The following FAT1 variants were observed in gnomAD, a reference collection of about 807,000 sequenced individuals.
FAT1 encodes the protein FAT atypical cadherin 1.
Under a neutral mutation model 329.8 loss-of-function variants are expected in FAT1, and 171 were observed. That is an observed-to-expected ratio of 0.52 (90% CI 0.46 to 0.59). The LOEUF (loss-of-function observed/expected upper bound fraction) is 0.59. FAT1 is among the 20% of genes least tolerant of loss of function. The probability of loss-of-function intolerance (pLI) is 0.00; values close to 1 mark genes in which losing one functional copy is unlikely to be tolerated. For missense variants in FAT1, 5,672 were observed against 5,774.4 expected (o/e 0.98, Z 0.57); for synonymous variants, 2,233 against 2,228.6 (o/e 1.00, Z -0.06).
chr4:186,655,432 A>G (rs938235703), intron 3 of FAT1, among the ~76,000 whole-genome samples: 1 of 116,722 alleles, frequency 8.6e-6, no homozygotes. Flanking sequence ...AGTAACCACA[A>G]TAAGGTGATT....
intron 11 of FAT1, among the ~76,000 whole-genome samples, chr4:186,616,280 C>A (rs1739705749): frequency 1.3e-5 from 2 of 152,192 alleles, no homozygotes; most frequent in Admixed American, 6.5e-5. Flanking sequence ...CTTGGAACGA[C>A]CGCCACTGCC....
intron 1 of FAT1, among the ~76,000 whole-genome samples, chr4:186,717,269 G>A (rs1561018355): frequency 6.6e-6 from 1 of 152,130 alleles, no homozygotes; most frequent in Admixed American, 6.5e-5. Context: ...TTTTCTGGGT[G>A]TACACTAATT....
chr4:186,589,522 C>T (rs1738140214), intron 26 of FAT1, among the ~76,000 whole-genome samples: 2 of 152,260 alleles, frequency 1.3e-5, no homozygotes, highest in South Asian at 4.2e-4. Context: ...AAATTATATA[C>T]ATTTTTCTAC....
intron 11 of FAT1, among the ~76,000 whole-genome samples, chr4:186,615,113 G>A (rs1437490077): frequency 6.6e-6 from 1 of 151,986 alleles, no homozygotes; most frequent in African/African-American, 2.4e-5. Flanking sequence ...TTCATAATAG[G>A]ATGAATTTAA....
rs1273408912 is a variant in FAT1, at chr4:186,618,073, G to A, written c.8513C>T (p.Ser2838Leu). 6.2e-7 allele frequency: 1 copy of A among 1,613,896 alleles called. No homozygotes were observed. Among genetic ancestry groups the A allele is most frequent in the Non-Finnish European group, 8.5e-7 (1 of 1,179,894 alleles). The change falls in exon 10 of 27, where the codon TCA (serine) becomes TTA (leucine). Residue 2838 changes from serine to leucine, a missense_variant. By Grantham distance (145) the Ser-to-Leu change is moderately radical (BLOSUM62 -2). Coordinates refer to ENST00000441802, the MANE Select transcript of FAT1 (RefSeq NM_005245.4). The stretch of plus-strand genomic sequence containing the variant: ...ATACATAACTTGGCCGTTGGTTCCT[G>A]AGTCAGCATCAGATGCCCTGATCTG... ...VIQIRASDADSGTNGQVMYSL... is the reference protein window; with the variant it reads ...VIQIRASDADLGTNGQVMYSL...
Position 186,611,595 on chromosome 4 carries a change from G to A in FAT1, c.9644C>T (p.Thr3215Ile), listed in dbSNP as rs756315351. The A allele has an allele frequency of 2.5e-6, 4 of 1,613,802 alleles. No individual in the cohort carries two copies. Among genetic ancestry groups the A allele is most frequent in the East Asian group, 2.2e-5 (1 of 44,862 alleles). Residue 3215 changes from threonine to isoleucine, a missense_variant, in exon 14 of 27, where the codon ACT (threonine) becomes ATT (isoleucine). Physicochemically the swap from Thr to Ile is moderately conservative, Grantham distance 89. Transcript: ENST00000441802. ...TATGTCAAGAACTGATACAATCACA[G>A]TGCCAGTGGCAGTCAGCCTCCTTGG... ...GLPRRLTATG[T>I]VIVSVLDIND... is the part of the protein sequence containing the mutation.
intron 26 of FAT1, chr4:186,590,332 G>C: frequency 7.9e-7 from 1 of 1,266,812 alleles, no homozygotes; most frequent in South Asian, 1.2e-5. Flanking sequence ...ATTGTTTTTA[G>C]TGAGTATCAA....
At chr4:186,670,502 C>A (rs888164757) in intron 2 of FAT1, among the ~76,000 whole-genome samples, 2 of 152,128 alleles carry the variant, frequency 1.3e-5, no homozygotes, top group African/African-American at 4.8e-5. Context: ...AAAGAAGAGA[C>A]ATACCATCAA....
chr4:186,619,434 A>G lies in FAT1; in HGVS notation c.7152T>C (p.Asn2384=), dbSNP rs2126505528. The part of the protein sequence containing the change: ...VIVTVDVTDL[N]DNPPLFEQQI... ...GTTGTTCAAAGAGTGGTGGATTATC[A>G]TTGAGGTCGGTAACGTCCACCGTGA... Residue 2384 remains asparagine, a synonymous_variant, in exon 10 of 27, where the codon AAT becomes AAC. Coordinates refer to ENST00000441802, the MANE Select transcript of FAT1 (RefSeq NM_005245.4). 6.2e-7 allele frequency: 1 copy of G among 1,614,002 alleles called. No homozygotes were observed. Among genetic ancestry groups the G allele is most frequent in the Non-Finnish European group, 8.5e-7 (1 of 1,179,894 alleles).
At position 186,600,711 on chromosome 4, in the gene FAT1, G is replaced by A. The variant is rs1280107; in HGVS notation, c.11641-351C>T. The stretch of plus-strand genomic sequence containing the variant: ...CACATGTAGGATGTCTCTATAAACT[G>A]TAACAGTTTTTGTTTTTTGAGACAG... On this transcript the variant is annotated intron_variant, in intron 21 of 26. Coordinates refer to ENST00000441802, the MANE Select transcript of FAT1 (RefSeq NM_005245.4). 0.17 allele frequency among the ~76,000 whole-genome samples: 25,551 copies of A among 152,176 alleles called. 4,096 individuals are homozygous for A. Among genetic ancestry groups the A allele is most frequent in the African/African-American group, 0.42 (17,214 of 41,470 alleles).
In FAT1 at chr4:186,599,996, G is replaced by T. The variant is rs768613095; in HGVS notation, c.12005C>A (p.Ser4002Ter). 6.2e-7 allele frequency: 1 copy of T among 1,613,946 alleles called. No homozygotes were observed. Among genetic ancestry groups the T allele is most frequent in the Non-Finnish European group, 8.5e-7 (1 of 1,179,876 alleles). The change falls in exon 22 of 27, where the codon TCG (serine) becomes TAG (stop). Residue 4002 changes from serine (S) to a stop codon, truncating the protein, a stop_gained. Coordinates refer to ENST00000441802, the MANE Select transcript of FAT1 (RefSeq NM_005245.4). LOFTEE classifies it high-confidence loss of function. ...GAAGCAGCCTGGAGATACATCCACC[G>T]ACTCTTCGATGTGTGCATAGCTTCT... ...KPRSYAHIEESVDVSPGCFLT... is the reference protein window; with the variant it reads ...KPRSYAHIEE
At chr4:186,616,544 A>G (rs1316358292) in intron 11 of FAT1, among the ~76,000 whole-genome samples, 1 of 151,980 alleles carries the variant, frequency 6.6e-6, no homozygotes, top group African/African-American at 2.4e-5. Context: ...AGCCCTTCCT[A>G]CGTCTACTTT....
intron 7 of FAT1, among the ~76,000 whole-genome samples, chr4:186,629,841 T>C (rs1740507028): frequency 6.6e-6 from 1 of 152,242 alleles, no homozygotes. Flanking sequence ...GTGAAAGCTA[T>C]GTAAACCTTT....
chr4:186,588,333 TTTTTCG>T lies in FAT1; in HGVS notation c.*253_*258del, dbSNP rs1738052736. The T allele has an allele frequency of 2.2e-6, 1 of 457,314 alleles. No individual in the cohort carries two copies. The highest frequency in any genetic ancestry group is 3.9e-5 in the Admixed American group (1 of 25,918). The allele number at this position is 457,314 out of a possible 1,614,324, so 28.3% of individuals were successfully genotyped here. ...AATCATGCTGACAACACAGGACTGATTTTTCGTTTGATTATTTTAACACAGACAGAT... is the reference window on the plus strand; with the variant it reads ...AATCATGCTGACAACACAGGACTGATTTTGATTATTTTAACACAGACAGAT... On this transcript the variant is annotated 3_prime_UTR_variant, in exon 27 of 27. Transcript: ENST00000441802.
rs186910119 is a variant in FAT1 at position 186,629,640 on chromosome 4, G to T, written c.4324-877C>A. ...GGGATCTGCTGGTCCAAGCAGCACA[G>T]GGGGCCAGGGTCCCAGGCAGAGCGG... is the stretch of plus-strand genomic sequence containing the variant. On this transcript the variant is annotated intron_variant, in intron 7 of 26. Coordinates refer to ENST00000441802, the MANE Select transcript of FAT1 (RefSeq NM_005245.4). Among the ~76,000 whole-genome samples, 3 of 152,352 alleles carry T rather than the reference G, an allele frequency of 2.0e-5. No homozygotes were observed. The East Asian group carries it at 5.8e-4, about 29-fold the overall frequency.
chr4:186,615,822 G>A (rs1739683598), intron 11 of FAT1, among the ~76,000 whole-genome samples: 1 of 152,104 alleles, frequency 6.6e-6, no homozygotes, highest in Non-Finnish European at 1.5e-5. Flanking sequence ...CAGCTATCCA[G>A]AGACAACGCC....
chr4:186,661,172 C>T (rs1742149107), intron 3 of FAT1, among the ~76,000 whole-genome samples: 1 of 152,148 alleles, frequency 6.6e-6, no homozygotes, highest in South Asian at 2.1e-4. Context: ...GGCTCGTTAA[C>T]TCCCAGAACC....
chr4:186,614,052 G>A (rs1431849590), intron 12 of FAT1, 139 bp downstream of exon 12: 12 of 654,696 alleles, frequency 1.8e-5, no homozygotes, highest in Non-Finnish European at 2.7e-5. Context: ...AGATTTCTAA[G>A]AGATGTCAAC....
chr4:186,623,914 C>G (rs559223680), intron 9 of FAT1, among the ~76,000 whole-genome samples: 2 of 152,296 alleles, frequency 1.3e-5, no homozygotes, highest in African/African-American at 4.8e-5. Context: ...CAGCTTGGAG[C>G]ATGTCACTGA....
Sources: allele counts gnomAD v4.1 joint callset (sites outside exome capture counted in the v4.1 genomes callset), GRCh38; gene constraint gnomAD v4.1.1; transcripts MANE v1.5; gene names NCBI Gene and HGNC (gene_info 2026-07-23, HGNC 2026-07-21).